AUTS2: variants seen among roughly 807,000 people sequenced by gnomAD.
The protein encoded by AUTS2 is activator of transcription and developmental regulator AUTS2.
Under a neutral mutation model 112.4 loss-of-function variants are expected in AUTS2, and 17 were observed. The observed-to-expected ratio is 0.15, with a 90% CI of 0.10 to 0.23. The LOEUF is 0.23. AUTS2 is among the 10% of genes least tolerant of loss of function. AUTS2 has a pLI of 1.00. For synonymous variants in AUTS2, 751 were observed against 702.7 expected, an observed-to-expected ratio of 1.07 and a Z score of -1.09; for missense variants, 1,510 against 1,701.6, an observed-to-expected ratio of 0.89 and a Z score of 1.98.
chr7:70,043,965 G>A (rs973954776), intron 2 of AUTS2, among the ~76,000 whole-genome samples: 1 of 152,100 alleles, frequency 6.6e-6, no homozygotes, highest in Non-Finnish European at 1.5e-5. Flanking sequence ...GAGTTGAAGG[G>A]TGGGAGTAGG....
intron 5 of AUTS2, among the ~76,000 whole-genome samples, chr7:70,622,440 G>A (rs1480272800): frequency 6.6e-6 from 1 of 152,004 alleles, no homozygotes; most frequent in East Asian, 1.9e-4. Context: ...AGGTTCCATA[G>A]CTCCCGTCAT....
chr7:70,538,106 G>A (rs777462924), intron 5 of AUTS2, among the ~76,000 whole-genome samples: 10 of 152,222 alleles, frequency 6.6e-5, no homozygotes, highest in East Asian at 1.9e-4. Context: ...GTGTGATGGC[G>A]TGCACCTATA....
At chr7:70,383,753 C>G (rs1793480698) in intron 4 of AUTS2, among the ~76,000 whole-genome samples, 1 of 152,178 alleles carries the variant, frequency 6.6e-6, no homozygotes, top group Admixed American at 6.5e-5. Context: ...TGGTGGTGAG[C>G]TCTCAGATCA....
chr7:70,158,433 A>G (rs1242600776), intron 4 of AUTS2, among the ~76,000 whole-genome samples: 1 of 152,242 alleles, frequency 6.6e-6, no homozygotes, highest in Non-Finnish European at 1.5e-5. Context: ...GACAAAGTCA[A>G]CGAGTCAATG....
At chr7:70,228,533 G>T (rs1811888235) in intron 4 of AUTS2, among the ~76,000 whole-genome samples, 1 of 151,356 alleles carries the variant, frequency 6.6e-6, no homozygotes, top group South Asian at 2.1e-4. Context: ...GTGTTTTAGT[G>T]TATCATTTTT....
intron 1 of AUTS2, among the ~76,000 whole-genome samples, chr7:69,651,162 G>C (rs1279618585): frequency 6.6e-6 from 1 of 152,204 alleles, no homozygotes; most frequent in Non-Finnish European, 1.5e-5. Context: ...GGGCGTGACT[G>C]GTCTGAGACA....
intron 1 of AUTS2, among the ~76,000 whole-genome samples, chr7:69,687,608 C>A (rs1370905195): frequency 6.6e-6 from 1 of 152,162 alleles, no homozygotes; most frequent in East Asian, 1.9e-4. Flanking sequence ...AAACACTAGT[C>A]TAATGGATCA....
chr7:69,927,593 G>A (rs750104505), intron 2 of AUTS2, among the ~76,000 whole-genome samples: 122 of 152,278 alleles, frequency 8.0e-4, no homozygotes, highest in Non-Finnish European at 1.4e-3. Context: ...GACAGGCTGC[G>A]CTCAGCTTGT....
At chr7:69,697,137 A>G (rs1797595640) in intron 1 of AUTS2, among the ~76,000 whole-genome samples, 1 of 152,244 alleles carries the variant, frequency 6.6e-6, no homozygotes. Context: ...CTGATTCAGT[A>G]TGCCTGGGTG....
At chr7:70,444,923 A>T (rs1006431252) in intron 5 of AUTS2, among the ~76,000 whole-genome samples, 1 of 152,136 alleles carries the variant, frequency 6.6e-6, no homozygotes, top group African/African-American at 2.4e-5. Flanking sequence ...GAAGTTCCTA[A>T]TTTCCTGGTC....
At chr7:70,491,428 A>ACG (rs1205949089) in intron 5 of AUTS2, among the ~76,000 whole-genome samples, 10 of 123,906 alleles carry the variant, frequency 8.1e-5, no homozygotes, top group East Asian at 4.4e-4. Context: ...ATACACACAC[A>ACG]CACACACACA....
At position 70,528,093 on chromosome 7, in the gene AUTS2, A is replaced by ATTTTTTTTTT. The variant is rs10651355; in HGVS notation, c.690+92329_690+92338dup. Among the ~76,000 whole-genome samples the ATTTTTTTTTT allele has an allele frequency of 9.3e-4, 90 of 97,266 alleles. 1 individual carries two copies. Among genetic ancestry groups the ATTTTTTTTTT allele is most frequent in the Non-Finnish European group, 1.4e-3 (69 of 50,552 alleles). The allele number at this position is 97,266 out of a possible 152,430, so 63.8% of individuals were successfully genotyped here. A position where few individuals can be genotyped will look rare whatever the true frequency, so the allele number is the denominator to read the frequency against. On this transcript the variant is annotated intron_variant, in intron 5 of 18. Coordinates refer to ENST00000342771, the MANE Select transcript of AUTS2 (RefSeq NM_015570.4). ...ACTTGAAGTTCACTTAAATTTAAGGATTTTTTTTTTTTTTTTTTTTTTTTT... is the reference window on the plus strand; with the variant it reads ...ACTTGAAGTTCACTTAAATTTAAGGATTTTTTTTTTTTTTTTTTTTTTTTTTTTTTTTTTT...
chr7:70,664,050 G>T (rs1807210358), intron 5 of AUTS2, among the ~76,000 whole-genome samples: 1 of 152,160 alleles, frequency 6.6e-6, no homozygotes, highest in African/African-American at 2.4e-5. Flanking sequence ...AGTAGATGGG[G>T]CCAGCCAAAG....
intron 5 of AUTS2, among the ~76,000 whole-genome samples, chr7:70,624,120 T>A (rs1804818987): frequency 6.6e-6 from 1 of 152,208 alleles, no homozygotes; most frequent in African/African-American, 2.4e-5. Context: ...TTATTGATAA[T>A]TTTAAAAAAT....
At chr7:70,669,719 G>C (rs1408331582) in intron 5 of AUTS2, among the ~76,000 whole-genome samples, 1 of 152,206 alleles carries the variant, frequency 6.6e-6, no homozygotes, top group Non-Finnish European at 1.5e-5. Flanking sequence ...GAGAGTTGAA[G>C]TCATCGTGTG....
chr7:69,616,022 A>C (rs565614407), intron 1 of AUTS2, among the ~76,000 whole-genome samples: 1 of 152,178 alleles, frequency 6.6e-6, no homozygotes, highest in South Asian at 2.1e-4. Context: ...CAAAAGTCCT[A>C]TTTACTTGTC....
intron 5 of AUTS2, among the ~76,000 whole-genome samples, chr7:70,639,682 G>C (rs1333822687): frequency 6.8e-6 from 1 of 146,190 alleles, no homozygotes; most frequent in Non-Finnish European, 1.5e-5. Context: ...CAGGCCACTA[G>C]ATCAGTCTTA....
At chr7:70,167,942 TTC>T (rs1483706871) in intron 4 of AUTS2, among the ~76,000 whole-genome samples, 2 of 152,210 alleles carry the variant, frequency 1.3e-5, no homozygotes, top group African/African-American at 4.8e-5. Flanking sequence ...GACAGTGACA[TTC>T]TCTCGGAATT....
chr7:69,785,423 C>T (rs1776484613), intron 1 of AUTS2, among the ~76,000 whole-genome samples: 1 of 152,230 alleles, frequency 6.6e-6, no homozygotes, highest in Admixed American at 6.5e-5. Flanking sequence ...CCCTCTCACT[C>T]AAAGTAGATG....
Sources: gnomAD v4.1 joint callset for allele counts (sites outside exome capture counted in the v4.1 genomes callset) on GRCh38, gnomAD v4.1.1 for gene constraint, MANE v1.5 for transcripts, NCBI Gene and HGNC (gene_info 2026-07-23, HGNC 2026-07-21) for gene names.